ZNF676: variants seen among roughly 807,000 people sequenced by gnomAD.
ZNF676 encodes zinc finger protein 676.
A neutral mutation model predicts 6.0 loss-of-function variants in ZNF676; 4 were observed. That is an observed-to-expected ratio of 0.67 (90% CI 0.33 to 1.53). The LOEUF (loss-of-function observed/expected upper bound fraction) is 1.53, where lower values mean the gene tolerates loss of function less well. ZNF676 is among the 40% of genes most tolerant of loss of function. The probability of loss-of-function intolerance (pLI) is 0.06; values close to 1 mark genes in which losing one functional copy is unlikely to be tolerated. For missense variants in ZNF676, 644 were observed against 679.7 expected (o/e 0.95, Z 0.58); for synonymous variants, 198 against 223.1 (o/e 0.89, Z 1.00).
At chr19:22,190,644 T>TATATATATATAC (rs1195212320) in intron 2 of ZNF676, among the ~76,000 whole-genome samples, 1 of 126,284 alleles carries the variant, frequency 7.9e-6, no homozygotes, top group African/African-American at 4.0e-5. Flanking sequence ...TATATATATA[T>TATATATATATAC]ATATATATAT....
chr19:22,249,763 T>TTG, the ZNF676 span, among the ~76,000 whole-genome samples: 1 of 344 alleles, frequency 2.9e-3, no homozygotes, highest in Non-Finnish European at 0.1. Context: ...GTACAACGGG[T>TTG]TTTTTTTTTT....
chr19:22,226,779 A>G, the ZNF676 span, among the ~76,000 whole-genome samples: 2 of 151,852 alleles, frequency 1.3e-5, no homozygotes, highest in African/African-American at 4.8e-5. Context: ...TTGTATTTTT[A>G]GTAGAGACGA....
chr19:22,205,657 G>A (rs1374932710), intron 1 of ZNF676, among the ~76,000 whole-genome samples: 1 of 152,002 alleles, frequency 6.6e-6, no homozygotes, highest in Non-Finnish European at 1.5e-5. Flanking sequence ...TACAGCTAAG[G>A]CAGTGTTAAA....
At chr19:22,183,647 A>C (rs2023792583) in intron 2 of ZNF676, among the ~76,000 whole-genome samples, 1 of 152,230 alleles carries the variant, frequency 6.6e-6, no homozygotes, top group Non-Finnish European at 1.5e-5. Flanking sequence ...GGTTATTTAA[A>C]AAATTTTAAA....
chr19:22,179,619 G>T lies in ZNF676; in HGVS notation c.*331C>A. ...TTTGCCACGTTTTTCACATTTGTAG[G>T]GCTTTTCCTCCAGTATGAATTCTTT... On this transcript the variant is annotated 3_prime_UTR_variant, in exon 3 of 3. Transcript: ENST00000397121. The T allele has an allele frequency of 1.9e-6, 1 of 517,344 alleles. No homozygotes were observed. The highest frequency in any genetic ancestry group is 4.0e-5 in the East Asian group (1 of 24,916). The allele number at this position is 517,344 out of a possible 1,614,324, so 32.0% of individuals were successfully genotyped here.
At chr19:22,203,448 A>C (rs1017655219) in intron 1 of ZNF676, 3 of 152,328 alleles carry the variant, frequency 2.0e-5, no homozygotes, top group Non-Finnish European at 2.9e-5. Flanking sequence ...AAGTGTCTTA[A>C]GAAAAAACTG....
chr19:22,233,644 C>G, the ZNF676 span, among the ~76,000 whole-genome samples: 3 of 152,382 alleles, frequency 2.0e-5, no homozygotes, highest in East Asian at 5.8e-4. Context: ...ACTGCAGTCT[C>G]TCTGCTGCTG....
the ZNF676 span, among the ~76,000 whole-genome samples, chr19:22,229,225 A>G: frequency 1.3e-5 from 2 of 152,224 alleles, no homozygotes; most frequent in African/African-American, 4.8e-5. Flanking sequence ...ATCTTTGACA[A>G]ACCTGACAAA....
At chr19:22,183,713 G>T (rs1242839931) in intron 2 of ZNF676, among the ~76,000 whole-genome samples, 1 of 152,092 alleles carries the variant, frequency 6.6e-6, no homozygotes, top group Non-Finnish European at 1.5e-5. Flanking sequence ...ATGTTAAAAA[G>T]ACTCAAAGTG....
At chr19:22,184,746 A>G (rs2023808918) in intron 2 of ZNF676, among the ~76,000 whole-genome samples, 1 of 143,754 alleles carries the variant, frequency 7.0e-6, no homozygotes, top group South Asian at 2.4e-4. Flanking sequence ...CACCCAGAAG[A>G]TTGAACTGGG....
At chr19:22,191,102 G>A (rs1330881885) in intron 2 of ZNF676, among the ~76,000 whole-genome samples, 1 of 152,116 alleles carries the variant, frequency 6.6e-6, no homozygotes, top group East Asian at 1.9e-4. Flanking sequence ...GAGAATTGCT[G>A]CAGGCCAAAA....
chr19:22,207,951 A>G (rs2024092155), intron 1 of ZNF676, among the ~76,000 whole-genome samples: 1 of 151,504 alleles, frequency 6.6e-6, no homozygotes, highest in Admixed American at 6.6e-5. Flanking sequence ...CTCAAGGTAA[A>G]TGAAAGACTT....
intron 1 of ZNF676, among the ~76,000 whole-genome samples, chr19:22,193,440 A>G (rs2023933721): frequency 6.6e-6 from 1 of 152,100 alleles, no homozygotes; most frequent in South Asian, 2.1e-4. Context: ...AAAAGGTCTT[A>G]AAGGAGACCC....
intron 2 of ZNF676, among the ~76,000 whole-genome samples, chr19:22,186,194 C>A (rs1014728495): frequency 2.0e-5 from 3 of 152,230 alleles, no homozygotes; most frequent in South Asian, 4.1e-4. Context: ...CTGCAGAAAC[C>A]CTACAAGCCA....
At chr19:22,230,975 T>A in the ZNF676 span, among the ~76,000 whole-genome samples, 227 of 151,984 alleles carry the variant, frequency 1.5e-3, no homozygotes, top group African/African-American at 4.8e-3. Context: ...AAAGGGGGGA[T>A]TATTTTCTTG....
the ZNF676 span, among the ~76,000 whole-genome samples, chr19:22,248,072 G>C: frequency 3.4e-5 from 1 of 29,574 alleles, no homozygotes; most frequent in Non-Finnish European, 7.4e-5. Context: ...CAAAGGAAAC[G>C]AACTCATCAT....
intron 2 of ZNF676, among the ~76,000 whole-genome samples, chr19:22,190,955 A>C (rs988675196): frequency 2.0e-5 from 3 of 152,020 alleles, no homozygotes; most frequent in African/African-American, 7.2e-5. Context: ...AACAGATAAA[A>C]AGAAAAAGGT....
intron 1 of ZNF676, among the ~76,000 whole-genome samples, chr19:22,214,160 G>C (rs1179510355): frequency 1.3e-5 from 2 of 152,192 alleles, no homozygotes; most frequent in Non-Finnish European, 2.9e-5. Flanking sequence ...CTGCAAGTCA[G>C]AGTCAGGCTG....
intron 1 of ZNF676, among the ~76,000 whole-genome samples, chr19:22,213,780 A>G (rs1568536863): frequency 1.3e-5 from 2 of 152,124 alleles, no homozygotes; most frequent in Non-Finnish European, 2.9e-5. Flanking sequence ...CCAGGAGCTG[A>G]TATTCACTAG....
Sources: gnomAD v4.1 joint callset for allele counts (sites outside exome capture counted in the v4.1 genomes callset) on GRCh38, gnomAD v4.1.1 for gene constraint, MANE v1.5 for transcripts, NCBI Gene and HGNC (gene_info 2026-07-23, HGNC 2026-07-21) for gene names.